The following ZFAT variants were observed in gnomAD, a reference collection of about 807,000 sequenced individuals.
The protein encoded by ZFAT is zinc finger and AT-hook domain containing.
In ZFAT, 64 loss-of-function variants were observed where a neutral mutation model predicts 117.7. The observed-to-expected ratio is 0.54, with a 90% CI of 0.44 to 0.67. The LOEUF is 0.67. Ranked by LOEUF, ZFAT falls within the 30% of genes least tolerant of loss-of-function variation. ZFAT has a pLI of 0.00. For synonymous variants in ZFAT, 679 were observed against 615.0 expected (o/e 1.10, Z -1.54); for missense variants, 1,433 against 1,584.5 (o/e 0.90, Z 1.62).
At chr8:134,685,561 A>T (rs1439732286) in intron 1 of ZFAT, among the ~76,000 whole-genome samples, 1 of 152,214 alleles carries the variant, frequency 6.6e-6, no homozygotes, top group Non-Finnish European at 1.5e-5. Flanking sequence ...TATGCCAGAT[A>T]TAAGTGATAC....
chr8:134,521,624 C>G (rs780101027), intron 12 of ZFAT, among the ~76,000 whole-genome samples: 2 of 151,834 alleles, frequency 1.3e-5, no homozygotes, highest in Admixed American at 6.6e-5. Context: ...ATGTACAACT[C>G]TAGGTTTAAA....
chr8:134,808,489 G>T, the ZFAT span, among the ~76,000 whole-genome samples: 2 of 152,160 alleles, frequency 1.3e-5, no homozygotes, highest in African/African-American at 4.8e-5. Context: ...CCACTATCTA[G>T]GAACAACCAA....
chr8:134,736,734 C>T, the ZFAT span, among the ~76,000 whole-genome samples: 8 of 152,042 alleles, frequency 5.3e-5, no homozygotes, highest in Non-Finnish European at 1.0e-4. Context: ...TAGTGGGGTG[C>T]GTACCACCAC....
intron 9 of ZFAT, among the ~76,000 whole-genome samples, chr8:134,584,262 T>C (rs1825912951): frequency 6.6e-6 from 1 of 152,164 alleles, no homozygotes; most frequent in Non-Finnish European, 1.5e-5. Flanking sequence ...ACCCTGCAGC[T>C]TTCTCTGACC....
intron 3 of ZFAT, among the ~76,000 whole-genome samples, chr8:134,636,930 T>C (rs1830248182): frequency 1.3e-5 from 2 of 152,238 alleles, no homozygotes; most frequent in South Asian, 4.1e-4. Flanking sequence ...CACTGAAATC[T>C]AGTCCTCAGC....
the ZFAT span, among the ~76,000 whole-genome samples, chr8:134,774,492 G>A: frequency 6.6e-6 from 1 of 152,152 alleles, no homozygotes; most frequent in Non-Finnish European, 1.5e-5. Flanking sequence ...ATCAAGGCAA[G>A]ACACCACACC....
At chr8:134,555,646 T>C (rs1823523392) in intron 11 of ZFAT, among the ~76,000 whole-genome samples, 1 of 150,646 alleles carries the variant, frequency 6.6e-6, no homozygotes, top group Non-Finnish European at 1.5e-5. Context: ...CAAGAAAAGA[T>C]GACCTCAAAC....
intron 1 of ZFAT, among the ~76,000 whole-genome samples, chr8:134,675,072 G>A (rs553816532): frequency 1.3e-5 from 2 of 152,324 alleles, no homozygotes; most frequent in African/African-American, 2.4e-5. Context: ...ACAACTCCTC[G>A]CCAGCGAGGG....
At chr8:134,697,681 C>A (rs1252775415) in intron 1 of ZFAT, among the ~76,000 whole-genome samples, 1 of 150,582 alleles carries the variant, frequency 6.6e-6, no homozygotes, top group African/African-American at 2.4e-5. Context: ...GAGCCGAGAT[C>A]GCGCCACTGC....
the ZFAT span, among the ~76,000 whole-genome samples, chr8:134,727,485 C>T: frequency 6.6e-6 from 1 of 152,216 alleles, no homozygotes; most frequent in Non-Finnish European, 1.5e-5. Context: ...GTCTCTCCTC[C>T]TCTCATGGAA....
chr8:134,561,542 A>G lies in ZFAT; in HGVS notation c.2976+3791T>C, dbSNP rs139090500. ...GTACTTTCCAAATCTTACTTAGTGAACACATTAATTTTATTTTTAAAATAA... is the reference window on the plus strand; with the variant it reads ...GTACTTTCCAAATCTTACTTAGTGAGCACATTAATTTTATTTTTAAAATAA... On this transcript the variant is annotated intron_variant, in intron 11 of 15. Coordinates refer to ENST00000377838, the MANE Select transcript of ZFAT (RefSeq NM_020863.4). Among the ~76,000 whole-genome samples the G allele has an allele frequency of 8.3e-4, 127 of 152,356 alleles. 3 individuals are homozygous for G. In the East Asian group the frequency reaches 0.02, roughly 24 times the overall value.
intron 11 of ZFAT, among the ~76,000 whole-genome samples, chr8:134,544,565 AAG>A (rs771687188): frequency 2.0e-5 from 3 of 152,164 alleles, no homozygotes; most frequent in Non-Finnish European, 4.4e-5. Flanking sequence ...CCACACTTAA[AAG>A]AGATAAAGAA....
intron 5 of ZFAT, among the ~76,000 whole-genome samples, chr8:134,604,175 C>T (rs902374314): frequency 6.6e-6 from 1 of 152,162 alleles, no homozygotes; most frequent in African/African-American, 2.4e-5. Context: ...GTATGATAAG[C>T]TCTATGCTAA....
At chr8:134,773,093 C>CAAA in the ZFAT span, among the ~76,000 whole-genome samples, 1 of 104,074 alleles carries the variant, frequency 9.6e-6, no homozygotes, top group Non-Finnish European at 2.0e-5. Flanking sequence ...AATCCCAATT[C>CAAA]AAAAAAAAAA....
chr8:134,544,147 C>T (rs1482615055), intron 11 of ZFAT, among the ~76,000 whole-genome samples: 1 of 152,148 alleles, frequency 6.6e-6, no homozygotes, highest in Non-Finnish European at 1.5e-5. Context: ...TCTCATCTGT[C>T]CCCCAACACC....
At chr8:134,747,465 T>C in the ZFAT span, among the ~76,000 whole-genome samples, 1 of 152,236 alleles carries the variant, frequency 6.6e-6, no homozygotes, top group African/African-American at 2.4e-5. Context: ...ATTAATTGGC[T>C]TATATGAATA....
intron 9 of ZFAT, among the ~76,000 whole-genome samples, chr8:134,585,253 C>T (rs542571841): frequency 2.0e-5 from 3 of 152,238 alleles, no homozygotes; most frequent in East Asian, 1.9e-4. Context: ...TTCTGTATCT[C>T]GCATTACCCT....
Position 134,562,259 on chromosome 8 carries a change from C to A in ZFAT, c.2976+3074G>T, listed in dbSNP as rs7832027. On this transcript the variant is annotated intron_variant, in intron 11 of 15. Coordinates refer to ENST00000377838, the MANE Select transcript of ZFAT (RefSeq NM_020863.4). ...TTTCCCAGAACCTCTAGAAAAAATG[C>A]AGCCCTGCCAACACCTTGATTTTAT... Among the ~76,000 whole-genome samples, 1,498 of 152,292 alleles carry A rather than the reference C, an allele frequency of 9.8e-3. 23 individuals carry two copies. The highest frequency in any genetic ancestry group is 0.034 in the African/African-American group (1,422 of 41,552).
chr8:134,488,020 G>A (rs748976884), intron 15 of ZFAT, among the ~76,000 whole-genome samples: 12 of 152,222 alleles, frequency 7.9e-5, no homozygotes, highest in African/African-American at 7.2e-5. Flanking sequence ...CTTGACCTCC[G>A]TACTGAGCAA....
Sources: gnomAD v4.1 joint callset for allele counts (sites outside exome capture counted in the v4.1 genomes callset) on GRCh38, gnomAD v4.1.1 for gene constraint, MANE v1.5 for transcripts, NCBI Gene and HGNC (gene_info 2026-07-23, HGNC 2026-07-21) for gene names.